ETNK2: variants seen among roughly 807,000 people sequenced by gnomAD.
The protein encoded by ETNK2 is ethanolamine kinase-like protein.
Under a neutral mutation model 46.2 loss-of-function variants are expected in ETNK2, and 33 were observed. That is an observed-to-expected ratio of 0.71 (90% CI 0.54 to 0.96). ETNK2 has a LOEUF of 0.96. ETNK2 is among the 40% of genes least tolerant of loss of function. ETNK2 has a pLI of 0.00. For missense variants in ETNK2, 445 were observed against 509.7 expected, an observed-to-expected ratio of 0.87 and a Z score of 1.22; for synonymous variants, 194 against 209.0, an observed-to-expected ratio of 0.93 and a Z score of 0.62.
intron 7 of ETNK2, among the ~76,000 whole-genome samples, chr1:204,133,006 G>T (rs557375245): frequency 7.6e-4 from 116 of 152,114 alleles, no homozygotes; most frequent in African/African-American, 2.7e-3. Context: ...ATCTCTTAAA[G>T]AACCATATTT....
chr1:204,141,134 A>C, intron 4 of ETNK2, 181 bp downstream of exon 4: 1 of 808,012 alleles, frequency 1.2e-6, no homozygotes, highest in Non-Finnish European at 2.1e-6. Flanking sequence ...CCCTTGGCAC[A>C]GACTTTTCAA....
In ETNK2 at chr1:204,146,727, G is replaced by A. The variant is rs780567647; in HGVS notation, c.556C>T (p.His186Tyr). Reference sequence around the variant, plus strand: ...GGCTTGGGCAGGCTGCCGTTGGCGTGGATAGTATGAATCTTTGCCATTTCT... The same window carrying A: ...GGCTTGGGCAGGCTGCCGTTGGCGTAGATAGTATGAATCTTTGCCATTTCT... ...ALEMAKIHTI[H>Y]ANGSLPKPIL... The change falls in exon 3 of 8, where the codon CAC becomes TAC. Residue 186 changes from histidine (H) to tyrosine (Y), a missense_variant. Physicochemically the swap from His to Tyr is moderately conservative, Grantham distance 83. Coordinates refer to ENST00000367202, the MANE Select transcript of ETNK2 (RefSeq NM_018208.4). 11 of 1,614,002 alleles carry A rather than the reference G, an allele frequency of 6.8e-6. No individual in the cohort carries two copies. The highest frequency in any genetic ancestry group is 9.3e-6 in the Non-Finnish European group (11 of 1,179,882).
In ETNK2 at chr1:204,149,897, G is replaced by A. The variant is rs200236107; in HGVS notation, c.324C>T (p.Cys108=). The change falls in exon 2 of 8, where the codon TGC becomes TGT. Residue 108 remains cysteine, a synonymous_variant. Coordinates refer to ENST00000367202, the MANE Select transcript of ETNK2 (RefSeq NM_018208.4). ...GCTCCCCATACACCCGGACCAGCAC[G>A]CAGTCCTGCATGTCCTCCTCCACAT... ...ACYVEEDMQD[C]VLVRVYGERT... 5.0e-5 allele frequency: 79 copies of A among 1,577,168 alleles called. 1 individual carries two copies. The highest frequency in any genetic ancestry group is 6.1e-5 in the Non-Finnish European group (71 of 1,161,788).
At chr1:204,137,351 C>G in intron 5 of ETNK2, 102 bp from the exon 6 acceptor site, 1 of 1,412,396 alleles carries the variant, frequency 7.1e-7, no homozygotes, top group South Asian at 1.4e-5. Flanking sequence ...CTCCCATCTC[C>G]TTTGATCTTT....
intron 3 of ETNK2, chr1:204,141,728 A>T: frequency 2.2e-6 from 1 of 453,714 alleles, no homozygotes; most frequent in Non-Finnish European, 4.0e-6. Context: ...GACTGAGGGC[A>T]TCCCTGCTAC....
At chr1:204,139,979 A>C in intron 5 of ETNK2, 56 bp downstream of exon 5, 1 of 1,407,876 alleles carries the variant, frequency 7.1e-7, no homozygotes, top group South Asian at 1.2e-5. Flanking sequence ...ACATGCGGTC[A>C]GTCATTGACT....
intron 4 of ETNK2, among the ~76,000 whole-genome samples, 164 bp from the exon 5 acceptor site, chr1:204,140,282 TCATCCATCCATCCATC>T (rs60488986): frequency 2.1e-5 from 3 of 146,112 alleles, no homozygotes; most frequent in Non-Finnish European, 1.5e-5. Flanking sequence ...CTACTTCCAT[TCATCCATCCATCCATC>T]CATCCATCCA....
intron 2 of ETNK2, 43 bp downstream of exon 2, chr1:204,149,660 G>C (rs868307357): frequency 6.5e-7 from 1 of 1,531,908 alleles, no homozygotes; most frequent in African/African-American, 1.4e-5. Context: ...CAAGCCCAAG[G>C]CCTGAAGAAT....
intron 6 of ETNK2, among the ~76,000 whole-genome samples, chr1:204,135,713 G>T (rs1657255634): frequency 6.6e-6 from 1 of 152,240 alleles, no homozygotes; most frequent in Non-Finnish European, 1.5e-5. Flanking sequence ...AGGTCTTAAA[G>T]TCTTAAGACT....
At chr1:204,136,570 G>C (rs1313821990) in intron 6 of ETNK2, among the ~76,000 whole-genome samples, 4 of 151,476 alleles carry the variant, frequency 2.6e-5, no homozygotes, top group Non-Finnish European at 5.9e-5. Flanking sequence ...AAACTAGTTG[G>C]GTGTGGTGGT....
At chr1:204,149,988 GGGT>G in intron 1 of ETNK2, 26 bp from the exon 2 acceptor site, 1 of 1,187,562 alleles carries the variant, frequency 8.4e-7, no homozygotes, top group Non-Finnish European at 1.2e-6. Context: ...GACAGTGCGT[GGGT>G]GGGTGGGTGG....
chr1:204,150,007 G>A (rs1046546252), intron 1 of ETNK2, 45 bp from the exon 2 acceptor site: 13 of 1,511,506 alleles, frequency 8.6e-6, no homozygotes, highest in South Asian at 3.8e-5. Context: ...GGTGGGGCAG[G>A]ATCTCTCTGG....
rs777234659 is a variant in ETNK2, at chr1:204,137,239, C to T, written c.879G>A (p.Glu293=). The change falls in exon 6 of 8, where the codon GAG becomes GAA. Residue 293 remains glutamate, a synonymous_variant. Transcript: ENST00000367202. ...GCGCCGGGTACAGGCAGTAATCCAC[C>T]TCATTCACGCCTGAGGGGGAGGCAG... ...NHFNEFAGVN[E]VDYCLYPARE... is the part of the protein sequence containing the mutation. 1.9e-6 allele frequency: 3 copies of T among 1,613,756 alleles called. No individual in the cohort carries two copies. Among genetic ancestry groups the T allele is most frequent in the Admixed American group, 1.7e-5 (1 of 60,008 alleles).
chr1:204,151,392 G>T lies in ETNK2; in HGVS notation c.258+203C>A. 1.8e-5 allele frequency: 13 copies of T among 714,454 alleles called. No homozygotes were observed. Among genetic ancestry groups the T allele is most frequent in the Non-Finnish European group, 2.8e-5 (13 of 457,312 alleles). 44.3% of individuals were successfully genotyped at this position (714,454 alleles called of 1,614,324 possible). A position where few individuals can be genotyped will look rare whatever the true frequency, so the allele number is the denominator to read the frequency against. On this transcript the variant is annotated intron_variant, in intron 1 of 7. Coordinates refer to ENST00000367202, the MANE Select transcript of ETNK2 (RefSeq NM_018208.4). The surrounding 1 kb of genome is among the most constrained non-coding windows in gnomAD (Gnocchi z 8.0). ...GCCTAAGAGCCCCGGGAGGAGGGGG[G>T]CGTGTGCAGGGCCAAGGGAGGTGTG...
chr1:204,142,070 T>G (rs1382027307), intron 3 of ETNK2: 1 of 154,104 alleles, frequency 6.5e-6, no homozygotes, highest in Non-Finnish European at 1.4e-5. Context: ...ATGTCACAGG[T>G]AGAAGGGATC....
Position 204,149,794 on chromosome 1 carries a change from G to A in ETNK2, c.427C>T (p.Leu143Phe). The change falls in exon 2 of 8, where the codon CTC becomes TTC. Residue 143 changes from leucine to phenylalanine, a missense_variant. Leu to Phe is a conservative substitution (Grantham distance 22). Transcript: ENST00000367202. The part of the protein sequence containing the change: ...LLRAHSCAPK[L>F]YCTFQNGLCY... ...AGCCCATTCTGGAAGGTGCAGTAGA[G>A]TTTGGGGGCACAGCTGTGTGCTCGC... The A allele has an allele frequency of 6.8e-6, 11 of 1,608,068 alleles. No homozygotes were observed. Among genetic ancestry groups the A allele is most frequent in the Non-Finnish European group, 9.3e-6 (11 of 1,177,480 alleles).
chr1:204,139,835 A>G (rs1286569640), intron 5 of ETNK2, among the ~76,000 whole-genome samples, 200 bp downstream of exon 5: 2 of 152,218 alleles, frequency 1.3e-5, no homozygotes, highest in African/African-American at 4.8e-5. Context: ...ATGTTACTAT[A>G]CTGAATACTG....
chr1:204,149,969 T>A lies in ETNK2; in HGVS notation c.259-7A>T, dbSNP rs1657942930. ...TGATGCCATCCGTGAAGCGCTAGCATGGGGAGAGGACAGTGCGTGGGTGGG... is the reference window on the plus strand; with the variant it reads ...TGATGCCATCCGTGAAGCGCTAGCAAGGGGAGAGGACAGTGCGTGGGTGGG... On this transcript the variant is annotated splice_polypyrimidine_tract_variant and splice_region_variant and intron_variant, in intron 1 of 7. Transcript: ENST00000367202. The A allele has an allele frequency of 1.7e-6, 1 of 573,666 alleles. No homozygotes were observed. The highest frequency in any genetic ancestry group is 2.3e-6 in the Non-Finnish European group (1 of 430,116). 35.5% of individuals were successfully genotyped at this position (573,666 alleles called of 1,614,324 possible).
intron 2 of ETNK2, among the ~76,000 whole-genome samples, chr1:204,149,085 G>A (rs949281398): frequency 6.6e-6 from 1 of 152,164 alleles, no homozygotes; most frequent in African/African-American, 2.4e-5. Context: ...AGGGCTTGAA[G>A]GAAAAGTCCA....
Sources: gnomAD v4.1 joint callset for allele counts (sites outside exome capture counted in the v4.1 genomes callset) on GRCh38, gnomAD v4.1.1 for gene constraint, Gnocchi (gnomAD v3.1) non-coding constraint, MANE v1.5 for transcripts, NCBI Gene and HGNC (gene_info 2026-07-23, HGNC 2026-07-21) for gene names.